Variants in PPP4R2 observed in about 807,000 individuals in gnomAD.
PPP4R2 encodes the protein protein phosphatase 4 regulatory subunit 2, also known as serine/threonine-protein phosphatase 4 regulatory subunit 2.
In PPP4R2, 13 loss-of-function variants were observed where a neutral mutation model predicts 47.2. The observed-to-expected ratio is 0.28, with a 90% CI of 0.18 to 0.44. The LOEUF (loss-of-function observed/expected upper bound fraction) is 0.44, where lower values mean the gene tolerates loss of function less well. Ranked by LOEUF, PPP4R2 falls within the 20% of genes least tolerant of loss-of-function variation. The probability of loss-of-function intolerance (pLI) is 1.00; values close to 1 mark genes in which losing one functional copy is unlikely to be tolerated. For synonymous variants in PPP4R2, 151 were observed against 163.3 expected (o/e 0.92, Z 0.57); for missense variants, 421 against 491.2 (o/e 0.86, Z 1.35).
At chr3:73,030,602 G>T (rs1299068309) in intron 2 of PPP4R2, among the ~76,000 whole-genome samples, 1 of 146,386 alleles carries the variant, frequency 6.8e-6, no homozygotes, top group Non-Finnish European at 1.5e-5. Context: ...ATTTGGTGGG[G>T]ATTACGTTGA....
chr3:73,026,682 A>T (rs61178812), intron 2 of PPP4R2, among the ~76,000 whole-genome samples: 19,685 of 147,592 alleles, frequency 0.13, 1,556 homozygotes, highest in East Asian at 0.36. Context: ...CTTTCTTGAA[A>T]CATTATGAGA....
At chr3:73,015,773 G>A (rs920574181) in intron 2 of PPP4R2, 1 of 440,560 alleles carries the variant, frequency 2.3e-6, no homozygotes, top group Non-Finnish European at 4.5e-6. Flanking sequence ...GAGTAGCTGG[G>A]ACTACAGGCT....
chr3:73,055,472 A>G (rs1702714261), intron 3 of PPP4R2, among the ~76,000 whole-genome samples: 1 of 149,182 alleles, frequency 6.7e-6, no homozygotes, highest in African/African-American at 2.5e-5. Context: ...ATATATATAT[A>G]TATTTAGCAA....
chr3:73,058,176 A>C (rs1398816572), intron 3 of PPP4R2, among the ~76,000 whole-genome samples: 1 of 152,126 alleles, frequency 6.6e-6, no homozygotes, highest in Non-Finnish European at 1.5e-5. Context: ...GGAAAAATTG[A>C]GGTATAGTGA....
intron 3 of PPP4R2, among the ~76,000 whole-genome samples, chr3:73,056,084 A>G (rs141820384): frequency 6.2e-4 from 94 of 152,346 alleles, no homozygotes; most frequent in Non-Finnish European, 1.1e-3. Flanking sequence ...TATTTTCAGA[A>G]GTTAGAATAA....
intron 2 of PPP4R2, among the ~76,000 whole-genome samples, chr3:73,007,601 G>C (rs1265946286): frequency 6.6e-6 from 1 of 151,838 alleles, no homozygotes; most frequent in Non-Finnish European, 1.5e-5. Flanking sequence ...CGATTCTCCT[G>C]CCTCAGCCTC....
intron 2 of PPP4R2, among the ~76,000 whole-genome samples, chr3:73,019,645 A>G (rs531667975): frequency 6.6e-6 from 1 of 152,320 alleles, no homozygotes; most frequent in Admixed American, 6.5e-5. Flanking sequence ...AAGTGCTGGG[A>G]TTACAGGTGT....
At chr3:73,040,621 C>G (rs938130559) in intron 2 of PPP4R2, among the ~76,000 whole-genome samples, 1 of 150,746 alleles carries the variant, frequency 6.6e-6, no homozygotes, top group Admixed American at 6.7e-5. Flanking sequence ...TCTTCTGTCT[C>G]AGCCTGTCTG....
At chr3:73,053,581 T>C (rs567870355) in intron 3 of PPP4R2, among the ~76,000 whole-genome samples, 2 of 152,252 alleles carry the variant, frequency 1.3e-5, no homozygotes, top group South Asian at 4.1e-4. Flanking sequence ...GACATTAGTT[T>C]ACTTACATCA....
At position 72,997,130 on chromosome 3, in the gene PPP4R2, C is replaced by T. The variant is rs1701363280; in HGVS notation, c.34+59C>T. 3.2e-6 allele frequency: 4 copies of T among 1,262,492 alleles called. No individual in the cohort carries two copies. The East Asian group carries it at 1.3e-4, about 40-fold the overall frequency. 78.2% of individuals were successfully genotyped at this position (1,262,492 alleles called of 1,614,324 possible). A position where few individuals can be genotyped will look rare whatever the true frequency, so the allele number is the denominator to read the frequency against. On this transcript the variant is annotated intron_variant, in intron 1 of 8. Coordinates refer to ENST00000356692, the MANE Select transcript of PPP4R2 (RefSeq NM_174907.4). The stretch of plus-strand genomic sequence containing the variant: ...ACCTTCTCCGGCTCGCTCTTCTCTC[C>T]TTTCAGGGCGGATGGTTCCGAGGAC...
chr3:73,029,215 A>G (rs992599071), intron 2 of PPP4R2, among the ~76,000 whole-genome samples: 2 of 152,248 alleles, frequency 1.3e-5, no homozygotes, highest in African/African-American at 4.8e-5. Context: ...TGTTGGGATT[A>G]CAGGCGTGAG....
chr3:73,062,152 C>G, intron 5 of PPP4R2: 1 of 1,547,060 alleles, frequency 6.5e-7, no homozygotes, highest in South Asian at 1.2e-5. Context: ...TGTGACAGAT[C>G]TTACAAAAGA....
intron 2 of PPP4R2, among the ~76,000 whole-genome samples, chr3:73,003,766 T>G (rs1010501520): frequency 2.0e-5 from 3 of 152,024 alleles, no homozygotes; most frequent in African/African-American, 7.2e-5. Flanking sequence ...TGGTGCGATC[T>G]TGACTCACTA....
At chr3:73,006,772 T>G (rs1456491268) in intron 2 of PPP4R2, among the ~76,000 whole-genome samples, 1 of 152,216 alleles carries the variant, frequency 6.6e-6, no homozygotes, top group East Asian at 1.9e-4. Context: ...AAAATCCATC[T>G]CAGTTTCAGC....
At chr3:73,016,809 G>GTTTA (rs1559551245) in intron 2 of PPP4R2, among the ~76,000 whole-genome samples, 1 of 47,320 alleles carries the variant, frequency 2.1e-5, no homozygotes, top group African/African-American at 1.0e-4. Flanking sequence ...CTGGTTCATT[G>GTTTA]TTTCTTTTTT....
intron 2 of PPP4R2, among the ~76,000 whole-genome samples, chr3:73,003,877 T>A (rs1701537723): frequency 6.6e-6 from 1 of 152,102 alleles, no homozygotes. Context: ...TTTTTGTATT[T>A]TCAGTTGAGA....
At chr3:73,022,771 T>G (rs1179362416) in intron 2 of PPP4R2, among the ~76,000 whole-genome samples, 5 of 148,466 alleles carry the variant, frequency 3.4e-5, no homozygotes, top group African/African-American at 1.2e-4. Flanking sequence ...CGCATTTCTT[T>G]TTTTTTTTTT....
intron 2 of PPP4R2, among the ~76,000 whole-genome samples, chr3:73,043,350 A>G (rs1702420722): frequency 6.6e-6 from 1 of 152,182 alleles, no homozygotes; most frequent in African/African-American, 2.4e-5. Flanking sequence ...TCCCCTTTCT[A>G]AAATAGGATA....
chr3:73,002,624 C>CTT (rs1559544635), intron 2 of PPP4R2, among the ~76,000 whole-genome samples: 73 of 66,992 alleles, frequency 1.1e-3, no homozygotes, highest in African/African-American at 4.4e-3. Flanking sequence ...CTTTTCTTTT[C>CTT]TTTTCTTTTC....
Sources: allele counts gnomAD v4.1 joint callset (sites outside exome capture counted in the v4.1 genomes callset), GRCh38; gene constraint gnomAD v4.1.1; transcripts MANE v1.5; gene names NCBI Gene and HGNC (gene_info 2026-07-23, HGNC 2026-07-21).